The following TERB1 variants were observed in gnomAD, a reference collection of about 807,000 sequenced individuals.
TERB1 encodes the protein telomere repeat binding bouquet formation protein 1, also known as telomere repeats-binding bouquet formation protein 1.
TERB1 carries 63 observed loss-of-function variants against 92.3 expected under a neutral mutation model. The observed-to-expected ratio is 0.68, with a 90% CI of 0.56 to 0.84. The LOEUF is 0.84. Ranked by LOEUF, TERB1 falls within the 40% of genes least tolerant of loss-of-function variation. TERB1 has a pLI of 0.00. For synonymous variants in TERB1, 252 were observed against 283.9 expected (o/e 0.89, Z 1.13); for missense variants, 709 against 843.7 (o/e 0.84, Z 1.98).
intron 16 of TERB1, among the ~76,000 whole-genome samples, chr16:66,766,046 T>C (rs2018340089): frequency 6.8e-6 from 1 of 147,916 alleles, no homozygotes; most frequent in Non-Finnish European, 1.5e-5. Flanking sequence ...TAATTTTTTG[T>C]ATTTTTAGTA....
intron 16 of TERB1, among the ~76,000 whole-genome samples, chr16:66,760,783 CAA>C (rs57817560): frequency 1.5e-5 from 1 of 67,246 alleles, no homozygotes; most frequent in Non-Finnish European, 2.8e-5. Flanking sequence ...GACTCCATCT[CAA>C]AAAAAAAAAA....
intron 11 of TERB1, among the ~76,000 whole-genome samples, chr16:66,776,303 T>A (rs1173479087): frequency 7.1e-6 from 1 of 141,558 alleles, no homozygotes. Context: ...CACTCCAGCC[T>A]GGGCAACAAG....
intron 12 of TERB1, among the ~76,000 whole-genome samples, chr16:66,774,832 A>G (rs946419736): frequency 1.3e-5 from 2 of 151,892 alleles, no homozygotes; most frequent in Non-Finnish European, 2.9e-5. Flanking sequence ...GCTGGCAGGC[A>G]TGTGCCACCA....
intron 14 of TERB1, among the ~76,000 whole-genome samples, chr16:66,769,349 A>C (rs2018404126): frequency 2.0e-5 from 3 of 152,150 alleles, no homozygotes; most frequent in East Asian, 1.9e-4. Flanking sequence ...TTTACCCTTC[A>C]ACCTGCCCGA....
chr16:66,780,014 C>T (rs1401310026), intron 9 of TERB1, among the ~76,000 whole-genome samples: 1 of 152,098 alleles, frequency 6.6e-6, no homozygotes, highest in African/African-American at 2.4e-5. Context: ...CAGGCGTGCA[C>T]CACCATGCCT....
intron 16 of TERB1, among the ~76,000 whole-genome samples, chr16:66,766,166 C>T (rs530711180): frequency 7.0e-4 from 107 of 152,106 alleles, no homozygotes; most frequent in African/African-American, 2.5e-3. Flanking sequence ...CCACCGCGCC[C>T]GGCCGGGTAT....
At chr16:66,772,848 C>A (rs2018476979) in intron 12 of TERB1, 99 bp from the exon 13 acceptor site, 1 of 914,822 alleles carries the variant, frequency 1.1e-6, no homozygotes, top group Non-Finnish European at 1.6e-6. Flanking sequence ...CTAAATTTTT[C>A]CATCCAGACT....
At position 66,796,901 on chromosome 16, in the gene TERB1, C is replaced by T. The variant is rs141124664; in HGVS notation, c.-32-71G>A. The T allele has an allele frequency of 1.8e-4, 134 of 734,734 alleles. 2 individuals carry two copies. The highest frequency in any genetic ancestry group is 1.8e-3 in the African/African-American group (100 of 54,852). 45.5% of individuals were successfully genotyped at this position (734,734 alleles called of 1,614,324 possible). A position where few individuals can be genotyped will look rare whatever the true frequency, so the allele number is the denominator to read the frequency against. Reference sequence around the variant, plus strand: ...TGGCAAAGATATAAGTACAAATGGGCGGGAAAAATTGTTTTCCTGAAGCCA... The same window carrying T: ...TGGCAAAGATATAAGTACAAATGGGTGGGAAAAATTGTTTTCCTGAAGCCA... On this transcript the variant is annotated intron_variant, in intron 2 of 18. Coordinates refer to ENST00000433154, the MANE Select transcript of TERB1 (RefSeq NM_001136505.2).
intron 11 of TERB1, among the ~76,000 whole-genome samples, 194 bp downstream of exon 11, chr16:66,777,009 C>T (rs1377937234): frequency 2.6e-5 from 4 of 151,926 alleles, no homozygotes; most frequent in African/African-American, 9.7e-5. Context: ...AGAAGTAGAA[C>T]TACAGGTCTT....
At position 66,754,836 on chromosome 16, in the gene TERB1, C is replaced by T; in HGVS notation, c.*140G>A. ...ATCATTGTAATTTGATGAGTTTCAG[C>T]ATCACAAAAACTGTTTAATGAAAAC... is the stretch of plus-strand genomic sequence containing the variant. On this transcript the variant is annotated 3_prime_UTR_variant, in exon 19 of 19. Transcript: ENST00000433154. The T allele has an allele frequency of 1.4e-6, 1 of 720,256 alleles. No individual in the cohort carries two copies. 44.6% of individuals were successfully genotyped at this position (720,256 alleles called of 1,614,324 possible). A position where few individuals can be genotyped will look rare whatever the true frequency, so the allele number is the denominator to read the frequency against.
In TERB1 at chr16:66,796,748, A is replaced by G. The variant is rs1416475468; in HGVS notation, c.31+20T>C. ...CCAATACAAAACTCATTGCAGATAT[A>G]TGATCCATCAATTTCTCACCTTGTG... On this transcript the variant is annotated intron_variant, in intron 3 of 18. Coordinates refer to ENST00000433154, the MANE Select transcript of TERB1 (RefSeq NM_001136505.2). 2 of 1,509,128 alleles carry G rather than the reference A, an allele frequency of 1.3e-6. No individual in the cohort carries two copies. Among genetic ancestry groups the G allele is most frequent in the Admixed American group, 2.0e-5 (1 of 50,862 alleles). 93.5% of individuals were successfully genotyped at this position (1,509,128 alleles called of 1,614,324 possible). A position where few individuals can be genotyped will look rare whatever the true frequency, so the allele number is the denominator to read the frequency against.
At chr16:66,801,431 G>A (rs1959295401) in intron 1 of TERB1, 37 bp downstream of exon 1, 1 of 152,302 alleles carries the variant, frequency 6.6e-6, no homozygotes, top group Non-Finnish European at 1.5e-5. Flanking sequence ...AAGACATCCT[G>A]GCCGGCCCAA....
At chr16:66,775,397 G>A (rs2018529263) in intron 11 of TERB1, among the ~76,000 whole-genome samples, 154 bp from the exon 12 acceptor site, 1 of 152,116 alleles carries the variant, frequency 6.6e-6, no homozygotes, top group South Asian at 2.1e-4. Context: ...ACTTTGGGAG[G>A]CTGAGATGGG....
At chr16:66,780,552 AGAGT>A (rs2018619211) in intron 9 of TERB1, among the ~76,000 whole-genome samples, 2 of 151,962 alleles carry the variant, frequency 1.3e-5, no homozygotes, top group Admixed American at 6.6e-5. Flanking sequence ...CTGGGGTGAC[AGAGT>A]GAGTGAGACT....
chr16:66,793,335 G>C (rs905496805), intron 3 of TERB1, among the ~76,000 whole-genome samples: 1 of 148,182 alleles, frequency 6.7e-6, no homozygotes, highest in Non-Finnish European at 1.5e-5. Flanking sequence ...TCCTGCCTCA[G>C]CCTCCCGAAT....
chr16:66,765,467 T>G (rs1054511436), intron 16 of TERB1, among the ~76,000 whole-genome samples: 12 of 152,072 alleles, frequency 7.9e-5, no homozygotes, highest in Non-Finnish European at 1.6e-4. Flanking sequence ...CTTTCTTTTT[T>G]TTTTTTTGGA....
intron 9 of TERB1, among the ~76,000 whole-genome samples, chr16:66,779,724 C>G (rs1333580654): frequency 6.6e-6 from 1 of 152,162 alleles, no homozygotes; most frequent in African/African-American, 2.4e-5. Flanking sequence ...AATTAGCAAG[C>G]TGCCTATTTT....
At chr16:66,777,557 T>C (rs1352258529) in intron 10 of TERB1, among the ~76,000 whole-genome samples, 3 of 152,216 alleles carry the variant, frequency 2.0e-5, no homozygotes, top group Non-Finnish European at 4.4e-5. Flanking sequence ...CCCTCATTAC[T>C]CTTTCTTCCC....
intron 2 of TERB1, among the ~76,000 whole-genome samples, chr16:66,800,451 C>T (rs1959243689): frequency 1.5e-5 from 2 of 132,894 alleles, no homozygotes; most frequent in Non-Finnish European, 3.1e-5. Flanking sequence ...AGTGCAGTGG[C>T]GCCATCTTGG....
Sources: gnomAD v4.1 joint callset for allele counts (sites outside exome capture counted in the v4.1 genomes callset) on GRCh38, gnomAD v4.1.1 for gene constraint, MANE v1.5 for transcripts, NCBI Gene and HGNC (gene_info 2026-07-23, HGNC 2026-07-21) for gene names.